ZNF740: variants seen among roughly 807,000 people sequenced by gnomAD.
The protein encoded by ZNF740 is zinc finger protein 740, also known as oriLyt TD-element-binding protein 7.
ZNF740 carries 14 observed loss-of-function variants against 24.8 expected under a neutral mutation model. The observed-to-expected ratio is 0.56, with a 90% CI of 0.37 to 0.88. ZNF740 has a LOEUF of 0.88. Among genes scored for constraint, ZNF740 ranks in the 40% least tolerant of loss-of-function variants. The probability of loss-of-function intolerance (pLI) is 0.00; values close to 1 mark genes in which losing one functional copy is unlikely to be tolerated. For synonymous variants in ZNF740, 69 were observed against 84.0 expected (o/e 0.82, Z 0.98); for missense variants, 201 against 247.9 (o/e 0.81, Z 1.27).
chr12:53,193,679 G>C lies in ZNF740; in HGVS notation c.*6089G>C. On this transcript the variant is annotated 3_prime_UTR_variant, in exon 7 of 7. Coordinates refer to ENST00000416904, the MANE Select transcript of ZNF740 (RefSeq NM_001004304.4). ...AGGGTTGGTTGGTTGTTGGGAGCCAGGTGGTTGAAGGGAAGAGGAGGCCCT... is the reference window on the plus strand; with the variant it reads ...AGGGTTGGTTGGTTGTTGGGAGCCACGTGGTTGAAGGGAAGAGGAGGCCCT... 1.3e-6 allele frequency: 2 copies of C among 1,576,006 alleles called. No individual in the cohort carries two copies. The highest frequency in any genetic ancestry group is 1.7e-6 in the Non-Finnish European group (2 of 1,157,850).
At position 53,193,047 on chromosome 12, in the gene ZNF740, T is replaced by C; in HGVS notation, c.*5457T>C. 7.2e-7 allele frequency: 1 copy of C among 1,392,524 alleles called. No homozygotes were observed. The allele number at this position is 1,392,524 out of a possible 1,614,324, so 86.3% of individuals were successfully genotyped here. A position where few individuals can be genotyped will look rare whatever the true frequency, so the allele number is the denominator to read the frequency against. ...CTCTAACCCATACACCGGAATCTTT[T>C]GATATTTGCCTTCCATGCCAGGAGA... is the stretch of plus-strand genomic sequence containing the variant. On this transcript the variant is annotated 3_prime_UTR_variant, in exon 7 of 7. Transcript: ENST00000416904.
chr12:53,184,146 T>C (rs544179574), intron 2 of ZNF740, among the ~76,000 whole-genome samples: 2,762 of 103,272 alleles, frequency 0.027, 124 homozygotes, highest in African/African-American at 0.097. Context: ...TGTGTGTGTG[T>C]GTGTGCGCGC....
At position 53,193,027 on chromosome 12, in the gene ZNF740, AC is replaced by A. The variant is rs1942021475; in HGVS notation, c.*5440del. On this transcript the variant is annotated 3_prime_UTR_variant, in exon 7 of 7. Coordinates refer to ENST00000416904, the MANE Select transcript of ZNF740 (RefSeq NM_001004304.4). ...TGAAGTATGCCAACCACACCCTCTA[AC>A]CCATACACCGGAATCTTTTGATATT... is the stretch of plus-strand genomic sequence containing the variant. 1 of 1,354,760 alleles carries A rather than the reference AC, an allele frequency of 7.4e-7. No homozygotes were observed. Among genetic ancestry groups the A allele is most frequent in the African/African-American group, 1.4e-5 (1 of 69,530 alleles). The allele number at this position is 1,354,760 out of a possible 1,614,324, so 83.9% of individuals were successfully genotyped here.
intron 2 of ZNF740, among the ~76,000 whole-genome samples, chr12:53,182,696 T>C (rs1386258453): frequency 6.6e-6 from 1 of 152,158 alleles, no homozygotes; most frequent in Non-Finnish European, 1.5e-5. Context: ...GTGATGAGGT[T>C]CCGAGTACTG....
In ZNF740 at chr12:53,184,767, G is replaced by A. The variant is rs930914240; in HGVS notation, c.10-124G>A. On this transcript the variant is annotated intron_variant, in intron 2 of 6. Coordinates refer to ENST00000416904, the MANE Select transcript of ZNF740 (RefSeq NM_001004304.4). ...AAGGAAGCAAGGCTTTGGCAGTGAG[G>A]AGGGACATTCCCTGGAGAGAAGCAG... 1.1e-5 allele frequency: 12 copies of A among 1,142,280 alleles called. No homozygotes were observed. In the African/African-American group the frequency reaches 1.8e-4, roughly 18 times the overall value. 70.8% of individuals were successfully genotyped at this position (1,142,280 alleles called of 1,614,324 possible).
chr12:53,193,117 C>G lies in ZNF740; in HGVS notation c.*5527C>G. 1 of 1,588,954 alleles carries G rather than the reference C, an allele frequency of 6.3e-7. No homozygotes were observed. Among genetic ancestry groups the G allele is most frequent in the Non-Finnish European group, 8.6e-7 (1 of 1,161,702 alleles). On this transcript the variant is annotated 3_prime_UTR_variant, in exon 7 of 7. Coordinates refer to ENST00000416904, the MANE Select transcript of ZNF740 (RefSeq NM_001004304.4). ...TTGGGAAGGCCTCTCAGACCCCGCC[C>G]TTCTCCCCAAGGCTCCAGGTACCTC... is the stretch of plus-strand genomic sequence containing the variant.
rs770903705 is a variant in ZNF740 at position 53,192,801 on chromosome 12, G to C, written c.*5211G>C. 4 of 1,614,234 alleles carry C rather than the reference G, an allele frequency of 2.5e-6. No individual in the cohort carries two copies. Among genetic ancestry groups the C allele is most frequent in the Non-Finnish European group, 2.5e-6 (3 of 1,180,044 alleles). ...ATTTGCAGCGTCCATGCCCACTGCAGAGCCCTCCCTCGGGACTGATGCAAC... is the reference window on the plus strand; with the variant it reads ...ATTTGCAGCGTCCATGCCCACTGCACAGCCCTCCCTCGGGACTGATGCAAC... On this transcript the variant is annotated 3_prime_UTR_variant, in exon 7 of 7. Transcript: ENST00000416904.
rs763097842 is a variant in ZNF740 at position 53,181,964 on chromosome 12, G to A, written c.-20G>A. 7 of 1,605,594 alleles carry A rather than the reference G, an allele frequency of 4.4e-6. No homozygotes were observed. The Admixed American group carries it at 1.0e-4, about 23-fold the overall frequency. ...CTAGGAACTCCTGAACTTTTGGGTT[G>A]CCTTAAGTGAGAAATCAGCATGGCT... is the stretch of plus-strand genomic sequence containing the variant. On this transcript the variant is annotated 5_prime_UTR_variant, in exon 2 of 7. Coordinates refer to ENST00000416904, the MANE Select transcript of ZNF740 (RefSeq NM_001004304.4).
intron 6 of ZNF740, among the ~76,000 whole-genome samples, chr12:53,187,032 G>T (rs1197140293): frequency 6.6e-6 from 1 of 152,164 alleles, no homozygotes; most frequent in African/African-American, 2.4e-5. Context: ...AATGATAATA[G>T]CTAACACTTC....
At position 53,193,938 on chromosome 12, in the gene ZNF740, A is replaced by G. The variant is rs762905069; in HGVS notation, c.*6348A>G. 10 of 1,563,726 alleles carry G rather than the reference A, an allele frequency of 6.4e-6. No individual in the cohort carries two copies. The highest frequency in any genetic ancestry group is 1.2e-5 in the South Asian group (1 of 85,864). ...CAGGAATCAGGCCATGGTTATACAC[A>G]TGCACACACACATACCCCAAACTCA... On this transcript the variant is annotated 3_prime_UTR_variant, in exon 7 of 7. Transcript: ENST00000416904.
chr12:53,191,106 C>G lies in ZNF740; in HGVS notation c.*3516C>G, dbSNP rs1380408703. The G allele has an allele frequency of 2.9e-5, 6 of 207,362 alleles. No homozygotes were observed. Among genetic ancestry groups the G allele is most frequent in the Admixed American group, 5.2e-5 (1 of 19,228 alleles). 12.8% of individuals were successfully genotyped at this position (207,362 alleles called of 1,614,324 possible). Reference sequence around the variant, plus strand: ...AGATGCAGTGTCTCTGACCTGGGACCCCCCTGCATCCGCAGCACTTGAGAA... The same window carrying G: ...AGATGCAGTGTCTCTGACCTGGGACGCCCCTGCATCCGCAGCACTTGAGAA... On this transcript the variant is annotated 3_prime_UTR_variant, in exon 7 of 7. Coordinates refer to ENST00000416904, the MANE Select transcript of ZNF740 (RefSeq NM_001004304.4).
chr12:53,192,454 C>T lies in ZNF740; in HGVS notation c.*4864C>T. The T allele has an allele frequency of 6.2e-7, 1 of 1,614,166 alleles. No individual in the cohort carries two copies. Among genetic ancestry groups the T allele is most frequent in the Non-Finnish European group, 8.5e-7 (1 of 1,180,044 alleles). ...CATCATCCAAGATAGGGGCCAAGGC[C>T]AGGGTCACATTGGTATGGGCACAAG... On this transcript the variant is annotated 3_prime_UTR_variant, in exon 7 of 7. Coordinates refer to ENST00000416904, the MANE Select transcript of ZNF740 (RefSeq NM_001004304.4).
chr12:53,193,304 G>T lies in ZNF740; in HGVS notation c.*5714G>T. On this transcript the variant is annotated 3_prime_UTR_variant, in exon 7 of 7. Transcript: ENST00000416904. ...AGCCCGGCACCCAGATTCCAGGTCT[G>T]GGGAGGACAGCTCTGCCACAGAGCA... 1 of 1,611,450 alleles carries T rather than the reference G, an allele frequency of 6.2e-7. No individual in the cohort carries two copies. The highest frequency in any genetic ancestry group is 8.5e-7 in the Non-Finnish European group (1 of 1,178,018).
Position 53,192,089 on chromosome 12 carries a change from G to T in ZNF740, c.*4499G>T. 1 of 1,536,980 alleles carries T rather than the reference G, an allele frequency of 6.5e-7. No individual in the cohort carries two copies. ...GGACAGATCATCAGTTGCTCACAGT[G>T]TGTCCAGCCTGTCCAACCCTGTCTG... On this transcript the variant is annotated 3_prime_UTR_variant, in exon 7 of 7. Transcript: ENST00000416904.
chr12:53,194,094 T>G lies in ZNF740; in HGVS notation c.*6504T>G, dbSNP rs1592399582. The stretch of plus-strand genomic sequence containing the variant: ...GGATGGATGGAGGACTACCTCAGGC[T>G]CTCATGTCACTCCCTGTACCTGCCA... On this transcript the variant is annotated 3_prime_UTR_variant, in exon 7 of 7. Coordinates refer to ENST00000416904, the MANE Select transcript of ZNF740 (RefSeq NM_001004304.4). The G allele has an allele frequency of 1.6e-5, 25 of 1,516,922 alleles. No individual in the cohort carries two copies. Among genetic ancestry groups the G allele is most frequent in the South Asian group, 2.4e-5 (2 of 82,770 alleles). The allele number at this position is 1,516,922 out of a possible 1,614,324, so 94.0% of individuals were successfully genotyped here.
chr12:53,190,564 A>G lies in ZNF740; in HGVS notation c.*2974A>G, dbSNP rs901360106. 2 of 152,578 alleles carry G rather than the reference A, an allele frequency of 1.3e-5. No homozygotes were observed. The highest frequency in any genetic ancestry group is 2.9e-5 in the Non-Finnish European group (2 of 68,050). 9.5% of individuals were successfully genotyped at this position (152,578 alleles called of 1,614,324 possible). A position where few individuals can be genotyped will look rare whatever the true frequency, so the allele number is the denominator to read the frequency against. On this transcript the variant is annotated 3_prime_UTR_variant, in exon 7 of 7. Transcript: ENST00000416904. The stretch of plus-strand genomic sequence containing the variant: ...CCATGGCTTGACATTGGAGGGTTAC[A>G]TTAGTGGAGTCCGCCACAGCTTCGA...
At position 53,185,525 on chromosome 12, in the gene ZNF740, A is replaced by T. The variant is rs770574992; in HGVS notation, c.249+49A>T. ...AACTCATACAGTTTGGTAATGGGGT[A>T]ATATTCCTCCTTCTTCCCTCTACCA... On this transcript the variant is annotated intron_variant, in intron 4 of 6. Transcript: ENST00000416904. The T allele has an allele frequency of 1.2e-5, 18 of 1,539,886 alleles. No individual in the cohort carries two copies. In the South Asian group the frequency reaches 1.9e-4, roughly 16 times the overall value.
chr12:53,185,076 C>T (rs533738078), intron 3 of ZNF740, 36 bp downstream of exon 3: 65 of 1,610,296 alleles, frequency 4.0e-5, no homozygotes, highest in Admixed American at 1.3e-4. Context: ...ACCTGGGGAT[C>T]GGGTGGCCCA....
intron 2 of ZNF740, among the ~76,000 whole-genome samples, chr12:53,184,178 T>G (rs566848670): frequency 2.8e-4 from 31 of 109,060 alleles, no homozygotes; most frequent in South Asian, 1.1e-3. Flanking sequence ...AGCTAAGGGG[T>G]GTGTGTGTGT....
Sources: allele counts gnomAD v4.1 joint callset (sites outside exome capture counted in the v4.1 genomes callset), GRCh38; gene constraint gnomAD v4.1.1; transcripts MANE v1.5; gene names NCBI Gene and HGNC (gene_info 2026-07-23, HGNC 2026-07-21).